Variants in AFAP1L2 observed in about 807,000 individuals in gnomAD.
The protein encoded by AFAP1L2 is actin filament associated protein 1 like 2.
A neutral mutation model predicts 99.3 loss-of-function variants in AFAP1L2; 46 were observed. The observed-to-expected ratio is 0.46, with a 90% CI of 0.37 to 0.59. AFAP1L2 has a LOEUF of 0.59. Ranked by LOEUF, AFAP1L2 falls within the 20% of genes least tolerant of loss-of-function variation. AFAP1L2 has a pLI of 0.00. For missense variants in AFAP1L2, 959 were observed against 1,034.9 expected (o/e 0.93, Z 1.01); for synonymous variants, 397 against 419.1 (o/e 0.95, Z 0.64).
chr10:114,328,323 C>T (rs961096639), intron 4 of AFAP1L2, among the ~76,000 whole-genome samples: 3 of 152,216 alleles, frequency 2.0e-5, no homozygotes. Context: ...AGCCATAGGC[C>T]CTGAGGACCC....
In AFAP1L2 at chr10:114,345,303, G is replaced by A. The variant is rs151235969; in HGVS notation, c.17-4572C>T. Among the ~76,000 whole-genome samples, 1,130 of 152,186 alleles carry A rather than the reference G, an allele frequency of 7.4e-3. 12 individuals carry two copies. The highest frequency in any genetic ancestry group is 0.025 in the African/African-American group (1,027 of 41,498). On this transcript the variant is annotated intron_variant, in intron 1 of 18. Coordinates refer to ENST00000304129, the MANE Select transcript of AFAP1L2 (RefSeq NM_001001936.3). ...ATTGGGGGTGATGCAGATGAAGAGG[G>A]CTTTATTATTCTGCTCAGAAGTTGG... is the stretch of plus-strand genomic sequence containing the variant.
rs764423258 is a variant in AFAP1L2 at position 114,300,656 on chromosome 10, T to C, written c.1577A>G (p.Asp526Gly). The change falls in exon 14 of 19, where the codon GAT becomes GGT. Residue 526 changes from aspartate (D) to glycine (G), a missense_variant. By Grantham distance (94) the Asp-to-Gly change is moderately conservative (BLOSUM62 -1). Coordinates refer to ENST00000304129, the MANE Select transcript of AFAP1L2 (RefSeq NM_001001936.3). ...GTCAGATTCTCTCTCATTTGGGTCA[T>C]CTGCAACAGGGGTGGCTTCCTCGGT... ...EPTEEATPVA[D>G]DPNERESDRV... is the part of the protein sequence containing the mutation. 2 of 1,608,186 alleles carry C rather than the reference T, an allele frequency of 1.2e-6. No individual in the cohort carries two copies.
chr10:114,386,408 AGAAAAAAG>A (rs2056505628), intron 1 of AFAP1L2, among the ~76,000 whole-genome samples: 1 of 152,304 alleles, frequency 6.6e-6, no homozygotes, highest in East Asian at 1.9e-4. Flanking sequence ...CTCCAAAAAA[AGAAAAAAG>A]GAAAAAAGGA....
Position 114,300,542 on chromosome 10 carries a change from C to G in AFAP1L2, c.1691G>C (p.Cys564Ser), listed in dbSNP as rs1318955079. 1 of 1,614,084 alleles carries G rather than the reference C, an allele frequency of 6.2e-7. No individual in the cohort carries two copies. Among genetic ancestry groups the G allele is most frequent in the Admixed American group, 1.7e-5 (1 of 60,018 alleles). Residue 564 changes from cysteine (C) to serine (S), a missense_variant, in exon 14 of 19, where the codon TGC (cysteine) becomes TCC (serine). This residue lies in a region of AFAP1L2 where 576 missense variants were observed against 562.1 expected (regional missense o/e 1.02). Coordinates refer to ENST00000304129, the MANE Select transcript of AFAP1L2 (RefSeq NM_001001936.3). ...GAGGGCCTCAGTTGCATTGTCCAGG[C>G]AGGACAACGTCGGGGAGGAGGCCTG... ...QAQASSPTLSCLDNATEALPA... is the reference protein window; with the variant it reads ...QAQASSPTLSSLDNATEALPA...
At chr10:114,282,487 G>C in the AFAP1L2 span, 1 of 1,603,200 alleles carries the variant, frequency 6.2e-7, no homozygotes, top group East Asian at 2.2e-5. Flanking sequence ...CCTCTGATCT[G>C]TCTATAATTC....
chr10:114,286,079 G>C, the AFAP1L2 span: 1 of 1,614,136 alleles, frequency 6.2e-7, no homozygotes, highest in African/African-American at 1.3e-5. Context: ...GGACTCTCGG[G>C]CCCGAGTGGG....
chr10:114,299,413 T>G lies in AFAP1L2; in HGVS notation c.1960A>C (p.Ile654Leu). 1 of 1,614,140 alleles carries G rather than the reference T, an allele frequency of 6.2e-7. No homozygotes were observed. The highest frequency in any genetic ancestry group is 1.3e-5 in the African/African-American group (1 of 75,040). The change falls in exon 16 of 19, where the codon ATC becomes CTC. Residue 654 changes from isoleucine (I) to leucine (L), a missense_variant and splice_region_variant. Ile to Leu is a conservative substitution (Grantham distance 5). Transcript: ENST00000304129. Reference sequence around the variant, plus strand: ...TCTGTCCGATTCTTGCCAAGCTTGATCTCTACAGACCCAGAGAGGGAAGCC... The same window carrying G: ...TCTGTCCGATTCTTGCCAAGCTTGAGCTCTACAGACCCAGAGAGGGAAGCC... ...KDRLRVTSAE[I>L]KLGKNRTEAE... is the part of the protein sequence containing the mutation.
chr10:114,345,425 A>T (rs1483899806), intron 1 of AFAP1L2, among the ~76,000 whole-genome samples: 3 of 152,144 alleles, frequency 2.0e-5, no homozygotes, highest in Non-Finnish European at 4.4e-5. Flanking sequence ...ATGGAAGGGG[A>T]CTGGCAGTGG....
At chr10:114,281,711 C>T in the AFAP1L2 span, 217 of 984,870 alleles carry the variant, frequency 2.2e-4, no homozygotes, top group Non-Finnish European at 2.5e-4. Flanking sequence ...AGGGGCGGGG[C>T]TGGGGCACTG....
At chr10:114,344,231 T>G (rs1157293351) in intron 1 of AFAP1L2, among the ~76,000 whole-genome samples, 1 of 152,188 alleles carries the variant, frequency 6.6e-6, no homozygotes, top group African/African-American at 2.4e-5. Context: ...CAGCTATTCA[T>G]GAGTTTCCTG....
chr10:114,368,436 T>C (rs2053597159), intron 1 of AFAP1L2, among the ~76,000 whole-genome samples: 1 of 152,130 alleles, frequency 6.6e-6, no homozygotes, highest in Non-Finnish European at 1.5e-5. Flanking sequence ...GTTTGTTTGT[T>C]TGAGACAGGG....
At chr10:114,351,636 G>A (rs2050506828) in intron 1 of AFAP1L2, among the ~76,000 whole-genome samples, 1 of 152,132 alleles carries the variant, frequency 6.6e-6, no homozygotes, top group Non-Finnish European at 1.5e-5. Context: ...CCTTCCTTGG[G>A]GCTTCAAGGA....
chr10:114,332,675 C>A lies in AFAP1L2; in HGVS notation c.220+546G>T, dbSNP rs1211392949. ...TGGGCCTCCCCGGGGTCTTGCCAGGCCCCTCCCTGGAGGTTTTAAGGGAAA... is the reference window on the plus strand; with the variant it reads ...TGGGCCTCCCCGGGGTCTTGCCAGGACCCTCCCTGGAGGTTTTAAGGGAAA... On this transcript the variant is annotated intron_variant, in intron 3 of 18. Transcript: ENST00000304129. Among the ~76,000 whole-genome samples, 10 of 152,224 alleles carry A rather than the reference C, an allele frequency of 6.6e-5. No individual in the cohort carries two copies. The East Asian group carries it at 1.5e-3, about 23-fold the overall frequency.
chr10:114,291,178 T>C (rs2039560034), downstream of AFAP1L2: 1 of 1,550,244 alleles, frequency 6.5e-7, no homozygotes, highest in East Asian at 2.4e-5. Context: ...GAGAAGGGGA[T>C]GCAGACACTC....
At chr10:114,363,772 G>T (rs982217538) in intron 1 of AFAP1L2, among the ~76,000 whole-genome samples, 1 of 152,228 alleles carries the variant, frequency 6.6e-6, no homozygotes, top group Non-Finnish European at 1.5e-5. Flanking sequence ...TATCATGAAA[G>T]AACAGTGCTG....
Position 114,304,673 on chromosome 10 carries a change from C to CCG in AFAP1L2, c.1284+44_1284+45dup, listed in dbSNP as rs762356561. ...GGAGACTGGCAGCAAACAGCCACCA[C>CCG]CGCCACACCCTGGCTGGCCCTGCTC... On this transcript the variant is annotated intron_variant, in intron 11 of 18. Coordinates refer to ENST00000304129, the MANE Select transcript of AFAP1L2 (RefSeq NM_001001936.3). 5.1e-5 allele frequency: 77 copies of CCG among 1,509,816 alleles called. No individual in the cohort carries two copies. In the Admixed American group the frequency reaches 1.4e-3, roughly 27 times the overall value. 93.5% of individuals were successfully genotyped at this position (1,509,816 alleles called of 1,614,324 possible). A position where few individuals can be genotyped will look rare whatever the true frequency, so the allele number is the denominator to read the frequency against.
At chr10:114,310,701 G>C (rs1009342193) in intron 7 of AFAP1L2, among the ~76,000 whole-genome samples, 1 of 152,146 alleles carries the variant, frequency 6.6e-6, no homozygotes, top group Non-Finnish European at 1.5e-5. Flanking sequence ...GGGCATGCGA[G>C]GGGGGGCCTT....
intron 1 of AFAP1L2, among the ~76,000 whole-genome samples, chr10:114,358,316 A>T (rs2051694621): frequency 6.6e-6 from 1 of 152,200 alleles, no homozygotes; most frequent in Admixed American, 6.5e-5. Context: ...CTACAACCCA[A>T]ACAAGGGAAA....
At chr10:114,319,147 C>G (rs539062422) in intron 5 of AFAP1L2, among the ~76,000 whole-genome samples, 5 of 152,302 alleles carry the variant, frequency 3.3e-5, no homozygotes, top group Admixed American at 3.3e-4. Flanking sequence ...GAGCCAGACT[C>G]TGTCCCAAAA....
Sources: allele counts gnomAD v4.1 joint callset (sites outside exome capture counted in the v4.1 genomes callset), GRCh38; gene constraint gnomAD v4.1.1; regional missense constraint gnomAD v4.1.1; transcripts MANE v1.5; gene names NCBI Gene and HGNC (gene_info 2026-07-23, HGNC 2026-07-21).